The following CCDC88A variants were observed in gnomAD, a reference collection of about 807,000 sequenced individuals.
CCDC88A encodes the protein coiled-coil and HOOK domain protein 88A, also known as girdin.
Under a neutral mutation model 234.3 loss-of-function variants are expected in CCDC88A, and 54 were observed. That is an observed-to-expected ratio of 0.23 (90% confidence interval 0.19 to 0.29). The LOEUF (loss-of-function observed/expected upper bound fraction) is 0.29, where lower values mean the gene tolerates loss of function less well. CCDC88A is among the 10% of genes least tolerant of loss of function. The pLI is 1.00. For synonymous variants in CCDC88A, 753 were observed against 737.8 expected (o/e 1.02, Z -0.33); for missense variants, 1,832 against 2,123.4 (o/e 0.86, Z 2.70).
chr2:55,419,791 A>G lies in CCDC88A; in HGVS notation c.-712T>C, dbSNP rs557547038. ...CCAGCCTTTCAGCGCGTCTCTGGGA[A>G]TCCCTGGCACAAAATCACCGCCGCG... On this transcript the variant is annotated 5_prime_UTR_variant, in exon 1 of 33. Coordinates refer to ENST00000436346, the MANE Select transcript of CCDC88A (RefSeq NM_001365480.1). 6.6e-6 allele frequency: 1 copy of G among 152,376 alleles called. No individual in the cohort carries two copies. Among genetic ancestry groups the G allele is most frequent in the African/African-American group, 2.4e-5 (1 of 41,340 alleles). The allele number at this position is 152,376 out of a possible 1,614,324, so 9.4% of individuals were successfully genotyped here.
chr2:55,297,337 AATTTATAT>A (rs1680213875), intron 29 of CCDC88A, among the ~76,000 whole-genome samples: 1 of 18,240 alleles, frequency 5.5e-5, no homozygotes, highest in Non-Finnish European at 1.5e-4. Context: ...ATAATATATA[AATTTATAT>A]ATTATATATA....
At chr2:55,350,563 C>G (rs1669746122) in intron 8 of CCDC88A, 4 of 150,070 alleles carry the variant, frequency 2.7e-5, no homozygotes, top group Admixed American at 2.7e-4. Flanking sequence ...ACTTATTGTT[C>G]TCATCTCGTG....
rs377022377 is a variant in CCDC88A at position 55,390,053 on chromosome 2, A to AAAAAAAAAAAAAAAAAAAG, written c.165-1168_165-1167insCTTTTTTTTTTTTTTTTTT. 2.9e-3 allele frequency among the ~76,000 whole-genome samples: 232 copies of AAAAAAAAAAAAAAAAAAAG among 79,746 alleles called. 20 individuals are homozygous for AAAAAAAAAAAAAAAAAAAG. Among genetic ancestry groups the AAAAAAAAAAAAAAAAAAAG allele is most frequent in the Middle Eastern group, 9.8e-3 (1 of 102 alleles). 52.3% of individuals were successfully genotyped at this position (79,746 alleles called of 152,430 possible). On this transcript the variant is annotated intron_variant, in intron 2 of 32. Coordinates refer to ENST00000436346, the MANE Select transcript of CCDC88A (RefSeq NM_001365480.1). Reference sequence around the variant, plus strand: ...GAGACTCAAAAAAAAAAAAAAATAAAAAATAAAGATAGAACATTTCAAAGT... The same window carrying AAAAAAAAAAAAAAAAAAAG: ...GAGACTCAAAAAAAAAAAAAAATAAAAAAAAAAAAAAAAAAAAAGAAATAAAGATAGAACATTTCAAAGT...
Position 55,299,921 on chromosome 2 carries a change from TA to T in CCDC88A, c.4745-3del. The stretch of plus-strand genomic sequence containing the variant: ...TATCAAGGCTGGCTGGTCTTGAAGC[TA>T]AATGAAAAAACCAGGAGACAGTGTG... On this transcript the variant is annotated splice_region_variant and splice_polypyrimidine_tract_variant and intron_variant, in intron 28 of 32. Transcript: ENST00000436346. 6.2e-7 allele frequency: 1 copy of T among 1,610,734 alleles called. No individual in the cohort carries two copies. The highest frequency in any genetic ancestry group is 8.5e-7 in the Non-Finnish European group (1 of 1,177,510).
At chr2:55,378,165 C>T (rs1380190923) in intron 3 of CCDC88A, among the ~76,000 whole-genome samples, 1 of 152,176 alleles carries the variant, frequency 6.6e-6, no homozygotes, top group Non-Finnish European at 1.5e-5. Context: ...CTTTCCTCCA[C>T]CTTCTTCCTC....
chr2:55,366,789 C>T (rs1423689479), intron 5 of CCDC88A, among the ~76,000 whole-genome samples: 1 of 151,960 alleles, frequency 6.6e-6, no homozygotes, highest in Non-Finnish European at 1.5e-5. Context: ...AAAAGCTATA[C>T]TAAAATAGAG....
At chr2:55,408,034 A>C (rs1679898554) in intron 2 of CCDC88A, among the ~76,000 whole-genome samples, 1 of 152,006 alleles carries the variant, frequency 6.6e-6, no homozygotes, top group Non-Finnish European at 1.5e-5. Flanking sequence ...ACTTTAATTC[A>C]AAATACTAAC....
rs762479997 is a variant in CCDC88A at position 55,334,470 on chromosome 2, C to T, written c.2351G>A (p.Ser784Asn). The T allele has an allele frequency of 1.2e-6, 2 of 1,602,252 alleles. No homozygotes were observed. Among genetic ancestry groups the T allele is most frequent in the South Asian group, 2.2e-5 (2 of 89,120 alleles). ...TTCCATCTCTAAGTCTTGTAGTTCA[C>T]TCTCTAATTGCTGGATTTTTTTATT... Reference protein sequence around the residue: ...NSNKKIQQLESELQDLEMENQ... With the variant: ...NSNKKIQQLENELQDLEMENQ... The change falls in exon 15 of 33, where the codon AGT (serine) becomes AAT (asparagine). Residue 784 changes from serine to asparagine, a missense_variant. Coordinates refer to ENST00000436346, the MANE Select transcript of CCDC88A (RefSeq NM_001365480.1). This position sits in a 1 kb window ranked among gnomAD's most constrained non-coding sequence, Gnocchi z 6.1.
intron 17 of CCDC88A, among the ~76,000 whole-genome samples, chr2:55,326,170 C>T (rs78781042): frequency 2.0e-5 from 3 of 147,470 alleles, no homozygotes; most frequent in African/African-American, 4.9e-5. Flanking sequence ...CCTGTTTCTT[C>T]TTTTTTTTTT....
chr2:55,343,138 T>C (rs1668712263), intron 12 of CCDC88A, among the ~76,000 whole-genome samples: 1 of 152,172 alleles, frequency 6.6e-6, no homozygotes, highest in Admixed American at 6.5e-5. Flanking sequence ...GTCCATAGTA[T>C]AACCAGGCTG....
At chr2:55,301,824 C>A (rs1436085405) in intron 27 of CCDC88A, 48 bp downstream of exon 27, 4 of 1,511,366 alleles carry the variant, frequency 2.6e-6, no homozygotes, top group Non-Finnish European at 3.7e-6. Context: ...AATTAAAATT[C>A]TTGTTGCCAA....
Position 55,334,078 on chromosome 2 carries a change from A to G in CCDC88A, c.2727+16T>C. 1.8e-6 allele frequency: 2 copies of G among 1,132,148 alleles called. No homozygotes were observed. Among genetic ancestry groups the G allele is most frequent in the Non-Finnish European group, 2.3e-6 (2 of 859,528 alleles). The allele number at this position is 1,132,148 out of a possible 1,614,324, so 70.1% of individuals were successfully genotyped here. On this transcript the variant is annotated intron_variant, in intron 15 of 32. Transcript: ENST00000436346. The surrounding 1 kb of genome is among the most constrained non-coding windows in gnomAD (Gnocchi z 6.1). ...TATAAAAAAAAATTTGCCTTAATTT[A>G]GGTAAACATATTTACCTCACGTAGT...
At chr2:55,305,477 T>G (rs1178911671) in intron 25 of CCDC88A, among the ~76,000 whole-genome samples, 1 of 152,210 alleles carries the variant, frequency 6.6e-6, no homozygotes, top group Non-Finnish European at 1.5e-5. Flanking sequence ...GATGACAGAT[T>G]TATACCTAAA....
At position 55,385,713 on chromosome 2, in the gene CCDC88A, C is replaced by G. The variant is rs1477941541; in HGVS notation, c.273+3065G>C. ...CATAAAAATACAAAAATTAGCCGGG[C>G]CTGGTGGCACGTGCCTGTAGTCTCA... On this transcript the variant is annotated intron_variant, in intron 3 of 32. Coordinates refer to ENST00000436346, the MANE Select transcript of CCDC88A (RefSeq NM_001365480.1). Among the ~76,000 whole-genome samples, 3 of 151,382 alleles carry G rather than the reference C, an allele frequency of 2.0e-5. No individual in the cohort carries two copies. The East Asian group carries it at 5.8e-4, about 29-fold the overall frequency.
Position 55,294,967 on chromosome 2 carries a change from T to C in CCDC88A, c.5551+630A>G, listed in dbSNP as rs1296854487. On this transcript the variant is annotated intron_variant, in intron 31 of 32. Coordinates refer to ENST00000436346, the MANE Select transcript of CCDC88A (RefSeq NM_001365480.1). ...CAATTTTAAATAAAAAATAAAAACCTAGCCAAATGATATTTTGTTAACAGC... is the reference window on the plus strand; with the variant it reads ...CAATTTTAAATAAAAAATAAAAACCCAGCCAAATGATATTTTGTTAACAGC... 5 of 1,196,058 alleles carry C rather than the reference T, an allele frequency of 4.2e-6. No homozygotes were observed. The African/African-American group carries it at 8.0e-5, about 19-fold the overall frequency. The allele number at this position is 1,196,058 out of a possible 1,614,324, so 74.1% of individuals were successfully genotyped here.
chr2:55,382,287 A>T (rs1674722726), intron 3 of CCDC88A, among the ~76,000 whole-genome samples: 1 of 152,228 alleles, frequency 6.6e-6, no homozygotes, highest in Non-Finnish European at 1.5e-5. Flanking sequence ...CAACTGGATT[A>T]ATGGTACTGG....
chr2:55,366,981 G>A (rs1672072851), intron 5 of CCDC88A, among the ~76,000 whole-genome samples: 1 of 152,006 alleles, frequency 6.6e-6, no homozygotes, highest in Non-Finnish European at 1.5e-5. Context: ...TTGTTTACAA[G>A]GGCCAAAAAA....
chr2:55,303,601 G>A (rs974628919), intron 25 of CCDC88A, among the ~76,000 whole-genome samples: 1 of 151,928 alleles, frequency 6.6e-6, no homozygotes, highest in Non-Finnish European at 1.5e-5. Context: ...GGCTGGTCTC[G>A]CACTCCCAAC....
chr2:55,329,584 G>C (rs1205891748), intron 16 of CCDC88A: 1 of 151,962 alleles, frequency 6.6e-6, no homozygotes, highest in Non-Finnish European at 1.5e-5. Context: ...ACAGTAAACA[G>C]AGAAAAAAAA....
Sources: allele counts gnomAD v4.1 joint callset (sites outside exome capture counted in the v4.1 genomes callset), GRCh38; gene constraint gnomAD v4.1.1; non-coding constraint Gnocchi (gnomAD v3.1); transcripts MANE v1.5; gene names NCBI Gene and HGNC (gene_info 2026-07-23, HGNC 2026-07-21).